The following TRHDE variants were observed in gnomAD, a reference collection of about 807,000 sequenced individuals.
TRHDE encodes thyrotropin-releasing hormone-degrading ectoenzyme.
TRHDE carries 72 observed loss-of-function variants against 125.7 expected under a neutral mutation model. The ratio of observed to expected loss-of-function variants is 0.57; its 90% CI spans 0.47 to 0.70. The LOEUF (loss-of-function observed/expected upper bound fraction) is 0.70. TRHDE is among the 30% of genes least tolerant of loss of function. The pLI, the probability that TRHDE is intolerant of heterozygous loss-of-function variation, is 0.00. For synonymous variants in TRHDE, 509 were observed against 509.1 expected (o/e 1.00, Z 0.00); for missense variants, 1,110 against 1,327.1 (o/e 0.84, Z 2.54).
At chr12:72,569,052 T>C (rs1266723105) in intron 10 of TRHDE, among the ~76,000 whole-genome samples, 1 of 152,086 alleles carries the variant, frequency 6.6e-6, no homozygotes, top group Non-Finnish European at 1.5e-5. Context: ...GACTGTCTCT[T>C]TAAAAGGTGA....
At chr12:72,384,325 C>T (rs1389838790) in intron 3 of TRHDE, among the ~76,000 whole-genome samples, 1 of 151,938 alleles carries the variant, frequency 6.6e-6, no homozygotes, top group Non-Finnish European at 1.5e-5. Context: ...AGAGGGAGCC[C>T]AGGTGTTTTG....
rs142991600 is a variant in TRHDE, at chr12:72,198,519, T to C, written n.279+92767T>C. Among the ~76,000 whole-genome samples the C allele has an allele frequency of 6.8e-4, 103 of 152,272 alleles. 1 individual carries two copies. The East Asian group carries it at 0.016, about 24-fold the overall frequency. On this transcript the variant is annotated intron_variant and non_coding_transcript_variant, in intron 2 of 4. Coordinates refer to the TRHDE transcript ENST00000548156. ...AATAAAGGCTTGCAGGTACACCATA[T>C]ACGGCCTGCTTTTTTAACTCATGGT...
chr12:72,640,107 C>G (rs550051587), intron 15 of TRHDE, among the ~76,000 whole-genome samples: 2 of 152,232 alleles, frequency 1.3e-5, no homozygotes, highest in African/African-American at 4.8e-5. Context: ...CCCAGCCTCG[C>G]TGCCGCCTTG....
At chr12:72,626,948 TTTC>T (rs1197545470) in intron 15 of TRHDE, among the ~76,000 whole-genome samples, 1 of 151,910 alleles carries the variant, frequency 6.6e-6, no homozygotes, top group Non-Finnish European at 1.5e-5. Flanking sequence ...TATTTTTCTT[TTTC>T]TTATTATAAA....
chr12:72,489,155 C>A, intron 5 of TRHDE, among the ~76,000 whole-genome samples: 1 of 145,770 alleles, frequency 6.9e-6, no homozygotes, highest in Non-Finnish European at 1.5e-5. Context: ...GAAATCAGAG[C>A]AGAAATAAAT....
At chr12:72,315,575 C>T (rs571029752) in intron 2 of TRHDE, among the ~76,000 whole-genome samples, 2 of 152,294 alleles carry the variant, frequency 1.3e-5, no homozygotes, top group South Asian at 4.1e-4. Flanking sequence ...ATGGTATGCA[C>T]TTTCTCTCTG....
At chr12:72,406,246 A>T (rs931088534) in intron 3 of TRHDE, among the ~76,000 whole-genome samples, 7 of 152,190 alleles carry the variant, frequency 4.6e-5, no homozygotes, top group African/African-American at 1.7e-4. Flanking sequence ...AGTTGCATTG[A>T]AGTAGAACTT....
intron 15 of TRHDE, among the ~76,000 whole-genome samples, chr12:72,647,225 GAGTC>G (rs1419388927): frequency 6.6e-6 from 1 of 151,944 alleles, no homozygotes; most frequent in Non-Finnish European, 1.5e-5. Context: ...AACAACAATT[GAGTC>G]AAGAAGAAAT....
At position 72,587,459 on chromosome 12, in the gene TRHDE, TTAGA is replaced by T. The variant is rs1301579067; in HGVS notation, c.2321+11927_2321+11930del. 7.9e-5 allele frequency among the ~76,000 whole-genome samples: 12 copies of T among 152,156 alleles called. No individual in the cohort carries two copies. In the South Asian group the frequency reaches 8.3e-4, roughly 11 times the overall value. On this transcript the variant is annotated intron_variant, in intron 12 of 18. Coordinates refer to ENST00000261180, the MANE Select transcript of TRHDE (RefSeq NM_013381.3). Reference sequence around the variant, plus strand: ...ATAGATTGGTAGTTACGTAGATAGATTAGATAGATAGATGATAGGCAGATGAATT... The same window carrying T: ...ATAGATTGGTAGTTACGTAGATAGATTAGATAGATGATAGGCAGATGAATT...
intron 12 of TRHDE, among the ~76,000 whole-genome samples, chr12:72,609,497 G>A (rs1872562633): frequency 6.6e-6 from 1 of 151,962 alleles, no homozygotes; most frequent in Non-Finnish European, 1.5e-5. Flanking sequence ...ACATGTGCAA[G>A]TTTGTCATAT....
rs1171519821 is a variant in TRHDE at position 72,645,910 on chromosome 12, G to A, written c.2676-6412G>A. Among the ~76,000 whole-genome samples, 4 of 151,968 alleles carry A rather than the reference G, an allele frequency of 2.6e-5. No individual in the cohort carries two copies. In the East Asian group the frequency reaches 5.8e-4, roughly 22 times the overall value. ...ATAAAAGAAAAATAATGACTTTCTC[G>A]GACAAATAAAAGCCAAGTGAGGTCA... On this transcript the variant is annotated intron_variant, in intron 15 of 18. Coordinates refer to ENST00000261180, the MANE Select transcript of TRHDE (RefSeq NM_013381.3).
At position 72,559,624 on chromosome 12, in the gene TRHDE, A is replaced by G. The variant is rs559887673; in HGVS notation, c.1789-2541A>G. On this transcript the variant is annotated intron_variant, in intron 7 of 18. Coordinates refer to ENST00000261180, the MANE Select transcript of TRHDE (RefSeq NM_013381.3). The stretch of plus-strand genomic sequence containing the variant: ...AAATACCTAGTATAGAGAAACCACA[A>G]TTCTTTTTAAGTTAATATTAAAACA... Among the ~76,000 whole-genome samples the G allele has an allele frequency of 3.3e-5, 5 of 152,278 alleles. No individual in the cohort carries two copies. The South Asian group carries it at 6.2e-4, about 19-fold the overall frequency.
intron 2 of TRHDE, among the ~76,000 whole-genome samples, chr12:72,332,733 A>G (rs1306990180): frequency 6.6e-6 from 1 of 152,254 alleles, no homozygotes; most frequent in Non-Finnish European, 1.5e-5. Context: ...GAGTGAGTTA[A>G]GGACAGAGAC....
chr12:72,266,841 TC>T (rs1247950401), intron 2 of TRHDE, among the ~76,000 whole-genome samples: 1 of 152,110 alleles, frequency 6.6e-6, no homozygotes, highest in Non-Finnish European at 1.5e-5. Context: ...AGATATTTAA[TC>T]TTTTTCAGCT....
At chr12:72,239,075 A>T (rs1878421777) in intron 2 of TRHDE, among the ~76,000 whole-genome samples, 1 of 152,076 alleles carries the variant, frequency 6.6e-6, no homozygotes. Context: ...CTTTTTAATG[A>T]TTGCTATTCT....
At chr12:72,244,748 T>C (rs1420655150) in intron 2 of TRHDE, among the ~76,000 whole-genome samples, 1 of 152,076 alleles carries the variant, frequency 6.6e-6, no homozygotes, top group African/African-American at 2.4e-5. Flanking sequence ...TCAAATTCTT[T>C]GGTGATGGGG....
At chr12:72,445,687 C>T (rs540799538) in intron 3 of TRHDE, among the ~76,000 whole-genome samples, 7 of 152,056 alleles carry the variant, frequency 4.6e-5, no homozygotes, top group African/African-American at 1.7e-4. Context: ...TTATGATTGA[C>T]TCTTTCTAGA....
At chr12:72,402,165 G>C (rs188476270) in intron 3 of TRHDE, among the ~76,000 whole-genome samples, 1 of 151,998 alleles carries the variant, frequency 6.6e-6, no homozygotes, top group Non-Finnish European at 1.5e-5. Flanking sequence ...GGAATAATCT[G>C]TCCTAGGGGT....
Position 72,445,659 on chromosome 12 carries a change from A to G in TRHDE, c.1316-24099A>G, listed in dbSNP as rs573627869. Among the ~76,000 whole-genome samples, 4 of 152,044 alleles carry G rather than the reference A, an allele frequency of 2.6e-5. No homozygotes were observed. The South Asian group carries it at 8.3e-4, about 32-fold the overall frequency. On this transcript the variant is annotated intron_variant, in intron 3 of 18. Transcript: ENST00000261180. ...GTTTTGAGAGGATTTCCACTGATTT[A>G]TTTCCAACTAACTCAATTTATGATT...
Sources: gnomAD v4.1 joint callset for allele counts (sites outside exome capture counted in the v4.1 genomes callset) on GRCh38, gnomAD v4.1.1 for gene constraint, MANE v1.5 for transcripts, NCBI Gene and HGNC (gene_info 2026-07-23, HGNC 2026-07-21) for gene names.